The following CDH12 variants were observed in gnomAD, a reference collection of about 807,000 sequenced individuals.
CDH12 encodes the protein cadherin-12.
CDH12 carries 41 observed loss-of-function variants against 74.1 expected under a neutral mutation model. The ratio of observed to expected loss-of-function variants is 0.55; its 90% CI spans 0.43 to 0.72. The LOEUF is 0.72. Among genes scored for constraint, CDH12 ranks in the 30% least tolerant of loss-of-function variants. CDH12 has a pLI of 0.00. For missense variants in CDH12, 945 were observed against 977.2 expected (o/e 0.97, Z 0.44); for synonymous variants, 399 against 355.0 (o/e 1.12, Z -1.39).
chr5:22,612,512 TTA>T (rs1246425538), intron 1 of CDH12, among the ~76,000 whole-genome samples: 1 of 152,124 alleles, frequency 6.6e-6, no homozygotes, highest in African/African-American at 2.4e-5. Context: ...CTTAACAAAT[TTA>T]TGTCTCCCTT....
At chr5:21,986,874 TTTTA>T (rs1320208054) in intron 5 of CDH12, among the ~76,000 whole-genome samples, 2 of 152,110 alleles carry the variant, frequency 1.3e-5, no homozygotes, top group Admixed American at 6.6e-5. Context: ...GCCTTATAAG[TTTTA>T]TTTAATTTTG....
At chr5:22,825,250 A>C (rs937138333) in intron 1 of CDH12, among the ~76,000 whole-genome samples, 49 of 152,084 alleles carry the variant, frequency 3.2e-4, no homozygotes, top group Non-Finnish European at 4.9e-4. Flanking sequence ...ACATTTGTAC[A>C]AATGTACATA....
intron 3 of CDH12, among the ~76,000 whole-genome samples, chr5:22,380,130 G>A (rs375908008): frequency 7.2e-5 from 11 of 152,140 alleles, no homozygotes; most frequent in Admixed American, 2.0e-4. Flanking sequence ...TAGTTTAGGC[G>A]TATTCTGAAC....
At chr5:22,007,791 A>G (rs1287997136) in intron 5 of CDH12, among the ~76,000 whole-genome samples, 20 of 152,200 alleles carry the variant, frequency 1.3e-4, no homozygotes, top group Non-Finnish European at 2.4e-4. Context: ...ATCACACAGT[A>G]GCTAGGCTAT....
At chr5:22,572,035 G>C (rs1309672673) in intron 1 of CDH12, among the ~76,000 whole-genome samples, 1 of 152,002 alleles carries the variant, frequency 6.6e-6, no homozygotes, top group African/African-American at 2.4e-5. Context: ...CTCAATGTAG[G>C]GTTGTCACAA....
At chr5:22,326,109 A>G (rs1739085003) in intron 3 of CDH12, among the ~76,000 whole-genome samples, 1 of 152,230 alleles carries the variant, frequency 6.6e-6, no homozygotes, top group Non-Finnish European at 1.5e-5. Flanking sequence ...AGTGCAGTTA[A>G]GAATAGCTTT....
At chr5:22,150,024 C>T (rs1298264390) in intron 4 of CDH12, among the ~76,000 whole-genome samples, 2 of 151,940 alleles carry the variant, frequency 1.3e-5, no homozygotes, top group African/African-American at 2.4e-5. Context: ...AAATATTTCG[C>T]TCATAAATTA....
At chr5:21,972,499 A>G (rs1756894741) in intron 6 of CDH12, among the ~76,000 whole-genome samples, 1 of 152,204 alleles carries the variant, frequency 6.6e-6, no homozygotes, top group Admixed American at 6.5e-5. Context: ...GTATAGAAAA[A>G]CATAATGTTT....
intron 1 of CDH12, among the ~76,000 whole-genome samples, chr5:22,722,135 C>A (rs141866750): frequency 4.6e-4 from 70 of 152,298 alleles, no homozygotes; most frequent in Middle Eastern, 3.4e-3. Flanking sequence ...ATTACAGAAC[C>A]TACCTGATCA....
Position 22,009,607 on chromosome 5 carries a change from C to G in CDH12, c.232-34222G>C, listed in dbSNP as rs1398944656. The stretch of plus-strand genomic sequence containing the variant: ...TTAAGAATTTACTTTACATTAACAT[C>G]AACTCAACTGTGCAGTAAAAATAAA... On this transcript the variant is annotated intron_variant, in intron 5 of 14. Coordinates refer to ENST00000382254, the MANE Select transcript of CDH12 (RefSeq NM_004061.5). Among the ~76,000 whole-genome samples the G allele has an allele frequency of 2.6e-5, 4 of 152,264 alleles. No homozygotes were observed. In the South Asian group the frequency reaches 6.2e-4, roughly 24 times the overall value.
intron 6 of CDH12, among the ~76,000 whole-genome samples, chr5:21,970,288 A>G (rs558042013): frequency 7.2e-5 from 11 of 152,312 alleles, no homozygotes; most frequent in African/African-American, 2.6e-4. Flanking sequence ...CTTTTAGGGC[A>G]TAGATAGAAG....
chr5:22,454,987 T>C (rs1261256), intron 2 of CDH12, among the ~76,000 whole-genome samples: 71,794 of 152,060 alleles, frequency 0.47, 17,353 homozygotes, highest in Admixed American at 0.64. Flanking sequence ...TTAGAAGCCA[T>C]GTGAAGGAAT....
At chr5:22,329,252 G>A (rs1739249114) in intron 3 of CDH12, among the ~76,000 whole-genome samples, 3 of 152,178 alleles carry the variant, frequency 2.0e-5, no homozygotes, top group Non-Finnish European at 4.4e-5. Context: ...GCAAATGTCA[G>A]ACTTAAATAG....
chr5:21,783,272 G>T, intron 11 of CDH12, 86 bp downstream of exon 11: 1 of 1,240,630 alleles, frequency 8.1e-7, no homozygotes, highest in Non-Finnish European at 1.1e-6. Context: ...GTCCAAAAAT[G>T]AAAAACATCT....
intron 1 of CDH12, among the ~76,000 whole-genome samples, chr5:22,525,066 T>C (rs1215052587): frequency 6.6e-6 from 1 of 151,708 alleles, no homozygotes; most frequent in Non-Finnish European, 1.5e-5. Context: ...AGTGTTTGGT[T>C]TTTTGTCCTT....
intron 5 of CDH12, among the ~76,000 whole-genome samples, chr5:22,059,338 T>TCTAC (rs1741009536): frequency 2.3e-5 from 1 of 43,872 alleles, no homozygotes; most frequent in African/African-American, 8.8e-5. Flanking sequence ...CTATCTATCA[T>TCTAC]CTATCTATCT....
intron 6 of CDH12, among the ~76,000 whole-genome samples, chr5:21,948,658 G>A (rs1755687222): frequency 6.6e-6 from 1 of 152,070 alleles, no homozygotes; most frequent in Admixed American, 6.5e-5. Context: ...TGTTAGGAAG[G>A]CATGATGTTG....
chr5:22,804,402 G>A (rs148740804), intron 1 of CDH12, among the ~76,000 whole-genome samples: 1,833 of 152,172 alleles, frequency 0.012, 36 homozygotes, highest in African/African-American at 0.042. Flanking sequence ...GAGAAGGATG[G>A]GGGGGAGATT....
At chr5:21,804,701 T>G (rs1747338131) in intron 9 of CDH12, among the ~76,000 whole-genome samples, 1 of 148,244 alleles carries the variant, frequency 6.7e-6, no homozygotes, top group Non-Finnish European at 1.5e-5. Context: ...CACATAGATG[T>G]TTTACGTGGT....
Sources: allele counts gnomAD v4.1 joint callset (sites outside exome capture counted in the v4.1 genomes callset), GRCh38; gene constraint gnomAD v4.1.1; transcripts MANE v1.5; gene names NCBI Gene and HGNC (gene_info 2026-07-23, HGNC 2026-07-21).